Variants in MEGF8 observed in about 807,000 individuals in gnomAD.
MEGF8 encodes the protein multiple epidermal growth factor-like domains protein 8.
Under a neutral mutation model 302.9 loss-of-function variants are expected in MEGF8, and 156 were observed. That is an observed-to-expected ratio of 0.52 (90% CI 0.45 to 0.59). The LOEUF is 0.59. MEGF8 is among the 20% of genes least tolerant of loss of function. The pLI, the probability that MEGF8 is intolerant of heterozygous loss-of-function variation, is 0.00. For synonymous variants in MEGF8, 1,621 were observed against 1,660.5 expected (o/e 0.98, Z 0.58); for missense variants, 3,345 against 3,964.5 (o/e 0.84, Z 4.20).
intron 8 of MEGF8, among the ~76,000 whole-genome samples, 192 bp downstream of exon 8, chr19:42,337,398 C>T (rs922639868): frequency 6.6e-6 from 1 of 152,204 alleles, no homozygotes; most frequent in East Asian, 1.9e-4. Flanking sequence ...AGGCCCTTAC[C>T]GCAGTATCCA....
At chr19:42,333,857 C>A in intron 2 of MEGF8, 89 bp downstream of exon 2, 2 of 1,557,390 alleles carry the variant, frequency 1.3e-6, no homozygotes, top group South Asian at 2.4e-5. Context: ...CATCCAAGAG[C>A]AGAGCACAGG....
intron 1 of MEGF8, among the ~76,000 whole-genome samples, chr19:42,330,203 G>A (rs2039037937): frequency 6.6e-6 from 1 of 152,156 alleles, no homozygotes; most frequent in African/African-American, 2.4e-5. Context: ...GATTACAGAC[G>A]TGAGCCACCA....
rs373068327 is a variant in MEGF8, at chr19:42,363,208, T to C, written c.6219T>C (p.Ser2073=). 6 of 1,611,362 alleles carry C rather than the reference T, an allele frequency of 3.7e-6. No homozygotes were observed. The highest frequency in any genetic ancestry group is 2.2e-5 in the East Asian group (1 of 44,820). The change falls in exon 35 of 42, where the codon TCT becomes TCC. Residue 2073 remains serine, a synonymous_variant. Transcript: ENST00000251268. ...LLPNCTSCLD[S]KGADGGWQHC... ...CCAACTGTACCTCCTGCCTGGACTCTAAGGGAGCAGATGGGGGCTGGCAGC... is the reference window on the plus strand; with the variant it reads ...CCAACTGTACCTCCTGCCTGGACTCCAAGGGAGCAGATGGGGGCTGGCAGC...
Position 42,376,181 on chromosome 19 carries a change from G to C in MEGF8, c.7944G>C (p.Leu2648=). The change falls in exon 42 of 42, where the codon CTG becomes CTC. Residue 2648 remains leucine (L), a synonymous_variant. Transcript: ENST00000251268. This position sits in a 1 kb window ranked among gnomAD's most constrained non-coding sequence, Gnocchi z 8.2. ...FFRQDQAHID[L]FVFFSVFFSC... The stretch of plus-strand genomic sequence containing the variant: ...GGCAGGACCAGGCCCACATTGACCT[G>C]TTTGTCTTCTTCTCCGTCTTCTTCT... The C allele has an allele frequency of 6.2e-7, 1 of 1,610,730 alleles. No individual in the cohort carries two copies. Among genetic ancestry groups the C allele is most frequent in the Non-Finnish European group, 8.5e-7 (1 of 1,178,882 alleles).
At chr19:42,362,628 A>G in intron 34 of MEGF8, 31 bp downstream of exon 34, 1 of 1,581,474 alleles carries the variant, frequency 6.3e-7, no homozygotes, top group Non-Finnish European at 8.6e-7. Context: ...CTGAGAGGGG[A>G]GTCTTGGGGC....
chr19:42,350,985 C>G (rs1309146655), intron 15 of MEGF8: 15 of 572,400 alleles, frequency 2.6e-5, no homozygotes, highest in Non-Finnish European at 4.3e-5. Flanking sequence ...ATAAGCCCCA[C>G]CCGGACCACA....
rs369692848 is a variant in MEGF8 at position 42,375,778 on chromosome 19, G to A, written c.7541G>A (p.Arg2514His). The change falls in exon 42 of 42, where the codon CGT becomes CAT. Residue 2514 changes from arginine (R) to histidine (H), a missense_variant. By Grantham distance (29) the Arg-to-His change is conservative. Transcript: ENST00000251268. This position sits in a 1 kb window ranked among gnomAD's most constrained non-coding sequence, Gnocchi z 7.1. ...ACCTCCTATGACACCTTCGTGGTCCGTGTGGCCCCTGACACTGGCGTCCAT... is the reference window on the plus strand; with the variant it reads ...ACCTCCTATGACACCTTCGTGGTCCATGTGGCCCCTGACACTGGCGTCCAT... ...VSTSYDTFVV[R>H]VAPDTGVHTV... 3.4e-5 allele frequency: 55 copies of A among 1,612,906 alleles called. No individual in the cohort carries two copies. The highest frequency in any genetic ancestry group is 2.5e-4 in the African/African-American group (19 of 75,032).
At position 42,348,453 on chromosome 19, in the gene MEGF8, G is replaced by A; in HGVS notation, c.2279G>A (p.Gly760Asp). Residue 760 changes from glycine (G) to aspartate (D), a missense_variant, in exon 13 of 42, where the codon GGC becomes GAC. Coordinates refer to ENST00000251268, the MANE Select transcript of MEGF8 (RefSeq NM_001271938.2). ...CACGTCCTGGCCCGGATGGCCCGTG[G>A]CCCTGACACGGAGAACATGGTGAGG... Reference protein sequence around the residue: ...RLHVLARMARGPDTENMEEVG... With the variant: ...RLHVLARMARDPDTENMEEVG... 6.6e-7 allele frequency: 1 copy of A among 1,523,496 alleles called. No individual in the cohort carries two copies. Among genetic ancestry groups the A allele is most frequent in the Non-Finnish European group, 8.8e-7 (1 of 1,137,030 alleles). 94.4% of individuals were successfully genotyped at this position (1,523,496 alleles called of 1,614,324 possible). A position where few individuals can be genotyped will look rare whatever the true frequency, so the allele number is the denominator to read the frequency against.
Position 42,368,294 on chromosome 19 carries a change from C to T in MEGF8, c.6274-161C>T, listed in dbSNP as rs2039635680. ...AGTTACAAACGCTTGAGAGGGAAAA[C>T]ATGATGACCCCAGCTAGTGTCCACT... On this transcript the variant is annotated intron_variant, in intron 35 of 41. Transcript: ENST00000251268. This position sits in a 1 kb window ranked among gnomAD's most constrained non-coding sequence, Gnocchi z 4.9. Among the ~76,000 whole-genome samples the T allele has an allele frequency of 6.6e-6, 1 of 152,214 alleles. No homozygotes were observed. Among genetic ancestry groups the T allele is most frequent in the African/African-American group, 2.4e-5 (1 of 41,458 alleles).
chr19:42,370,463 G>A lies in MEGF8; in HGVS notation c.7005+104G>A, dbSNP rs1426949179. Reference sequence around the variant, plus strand: ...GGAGACCTGGACCCTTGGGTTGAGGGAGGAGGGGCTGGAGGCCTGGATTCC... The same window carrying A: ...GGAGACCTGGACCCTTGGGTTGAGGAAGGAGGGGCTGGAGGCCTGGATTCC... On this transcript the variant is annotated intron_variant, in intron 39 of 41. Transcript: ENST00000251268. 5.4e-6 allele frequency: 6 copies of A among 1,103,692 alleles called. No homozygotes were observed. In the African/African-American group the frequency reaches 9.6e-5, roughly 18 times the overall value. 68.4% of individuals were successfully genotyped at this position (1,103,692 alleles called of 1,614,324 possible). A position where few individuals can be genotyped will look rare whatever the true frequency, so the allele number is the denominator to read the frequency against.
chr19:42,341,407 T>C (rs1600027696), intron 8 of MEGF8, among the ~76,000 whole-genome samples: 3 of 110,528 alleles, frequency 2.7e-5, no homozygotes, highest in Non-Finnish European at 5.1e-5. Flanking sequence ...CCAGCCTGGG[T>C]AACAGAGGGA....
chr19:42,366,221 A>T (rs2039603906), intron 35 of MEGF8, among the ~76,000 whole-genome samples: 1 of 152,190 alleles, frequency 6.6e-6, no homozygotes, highest in Non-Finnish European at 1.5e-5. Flanking sequence ...CTTTTTTTGA[A>T]ACAGAGTCTC....
chr19:42,351,733 G>T lies in MEGF8; in HGVS notation c.3073G>T (p.Gly1025Cys). The T allele has an allele frequency of 6.3e-7, 1 of 1,584,208 alleles. No individual in the cohort carries two copies. Among genetic ancestry groups the T allele is most frequent in the South Asian group, 1.2e-5 (1 of 86,704 alleles). ...GCAGAGCCACGAGTGTGGCTGGTGT[G>T]GCAATGAGGACAACCCCACACTGGG... ...CLQSHECGWCGNEDNPTLGRC... is the reference protein window; with the variant it reads ...CLQSHECGWCCNEDNPTLGRC... Residue 1025 changes from glycine (G) to cysteine (C), a missense_variant, in exon 18 of 42, where the codon GGC (glycine) becomes TGC (cysteine). Physicochemically the swap from Gly to Cys is radical, Grantham distance 159. Transcript: ENST00000251268. This position sits in a 1 kb window ranked among gnomAD's most constrained non-coding sequence, Gnocchi z 5.6.
chr19:42,349,383 T>C, intron 13 of MEGF8, 116 bp from the exon 14 acceptor site: 3 of 852,392 alleles, frequency 3.5e-6, no homozygotes, highest in Non-Finnish European at 5.3e-6. Context: ...TAAGGAGCTC[T>C]GAGGCCCTCT....
Position 42,370,248 on chromosome 19 carries a change from C to A in MEGF8, c.6894C>A (p.Thr2298=). 1 of 1,613,510 alleles carries A rather than the reference C, an allele frequency of 6.2e-7. No individual in the cohort carries two copies. The highest frequency in any genetic ancestry group is 8.5e-7 in the Non-Finnish European group (1 of 1,179,830). Residue 2298 remains threonine, a synonymous_variant, in exon 39 of 42, where the codon ACC becomes ACA. Coordinates refer to ENST00000251268, the MANE Select transcript of MEGF8 (RefSeq NM_001271938.2). ...TGGGTTCAGCTGTCGGAGGCGGGAC[C>A]TGCCGGCCCTGCCACGCCTTTTGTC... ...LFVGSAVGGG[T]CRPCHAFCRG... is the part of the protein sequence containing the mutation.
rs1714155767 is a variant in MEGF8 at position 42,370,842 on chromosome 19, CCGGGGGGGGGGGGGGGGGG to C, written c.7136+12_7136+30del. ...CGGGAAGTGCACCAAGTAAGAGGAA[CCGGGGGGGGGGGGGGGGGG>C]GGGGGGGGGGGAGGCCGGGGATCCC... On this transcript the variant is annotated intron_variant, in intron 40 of 41. Transcript: ENST00000251268. 4.2e-5 allele frequency: 5 copies of C among 119,566 alleles called. No homozygotes were observed. Among genetic ancestry groups the C allele is most frequent in the South Asian group, 2.6e-4 (1 of 3,822 alleles). The allele number at this position is 119,566 out of a possible 1,614,324, so 7.4% of individuals were successfully genotyped here.
chr19:42,355,979 C>G lies in MEGF8; in HGVS notation c.4366C>G (p.His1456Asp). ...MALCPENCNAHTGAGTCNQSL... is the reference protein window; with the variant it reads ...MALCPENCNADTGAGTCNQSL... ...TCTGTGTCCTGAGAACTGCAATGCC[C>G]ACACTGGGGCAGGAACTTGTAACCA... Residue 1456 changes from histidine to aspartate, a missense_variant, in exon 24 of 42, where the codon CAC (histidine) becomes GAC (aspartate). By Grantham distance (81) the His-to-Asp change is moderately conservative. Coordinates refer to ENST00000251268, the MANE Select transcript of MEGF8 (RefSeq NM_001271938.2). The G allele has an allele frequency of 6.2e-7, 1 of 1,612,090 alleles. No homozygotes were observed. The highest frequency in any genetic ancestry group is 8.5e-7 in the Non-Finnish European group (1 of 1,179,170).
Position 42,358,375 on chromosome 19 carries a change from C to A in MEGF8, c.5175+68C>A. 6.7e-7 allele frequency: 1 copy of A among 1,492,984 alleles called. No homozygotes were observed. Among genetic ancestry groups the A allele is most frequent in the South Asian group, 1.3e-5 (1 of 77,316 alleles). 92.5% of individuals were successfully genotyped at this position (1,492,984 alleles called of 1,614,324 possible). A position where few individuals can be genotyped will look rare whatever the true frequency, so the allele number is the denominator to read the frequency against. Reference sequence around the variant, plus strand: ...GGGAGGGGTCCTCTTTCCCAGTGCCCCAGGGACTGGCTCCATCCCAGATTC... The same window carrying A: ...GGGAGGGGTCCTCTTTCCCAGTGCCACAGGGACTGGCTCCATCCCAGATTC... On this transcript the variant is annotated intron_variant, in intron 29 of 41. Transcript: ENST00000251268. This position sits in a 1 kb window ranked among gnomAD's most constrained non-coding sequence, Gnocchi z 4.4.
chr19:42,356,132 C>A lies in MEGF8; in HGVS notation c.4442C>A (p.Ala1481Asp). The A allele has an allele frequency of 6.3e-7, 1 of 1,580,876 alleles. No individual in the cohort carries two copies. The highest frequency in any genetic ancestry group is 1.3e-5 in the African/African-American group (1 of 74,518). Residue 1481 changes from alanine (A) to aspartate (D), a missense_variant, in exon 25 of 42, where the codon GCC (alanine) becomes GAC (aspartate). Physicochemically the swap from Ala to Asp is moderately radical, Grantham distance 126. Coordinates refer to ENST00000251268, the MANE Select transcript of MEGF8 (RefSeq NM_001271938.2). This position sits in a 1 kb window ranked among gnomAD's most constrained non-coding sequence, Gnocchi z 5.2. ...CAEGFGGPDC[A>D]TKLDGGQLVW... Reference sequence around the variant, plus strand: ...GAGGGCTTCGGGGGCCCCGACTGCGCCACCAAGCTGGATGGCGGGCAGCTG... The same window carrying A: ...GAGGGCTTCGGGGGCCCCGACTGCGACACCAAGCTGGATGGCGGGCAGCTG...
Sources: gnomAD v4.1 joint callset for allele counts (sites outside exome capture counted in the v4.1 genomes callset) on GRCh38, gnomAD v4.1.1 for gene constraint, Gnocchi (gnomAD v3.1) non-coding constraint, MANE v1.5 for transcripts, NCBI Gene and HGNC (gene_info 2026-07-23, HGNC 2026-07-21) for gene names.